ENTREP2: variants seen among roughly 807,000 people sequenced by gnomAD.
ENTREP2 encodes protein ENTREP2.
chr15:29,337,018 T>C, the ENTREP2 span, among the ~76,000 whole-genome samples: 2 of 152,246 alleles, frequency 1.3e-5, no homozygotes, highest in Non-Finnish European at 2.9e-5. Context: ...GCCAGAATTC[T>C]AGGTCTCAGG....
At chr15:29,423,631 C>A in the ENTREP2 span, among the ~76,000 whole-genome samples, 17 of 139,388 alleles carry the variant, frequency 1.2e-4, no homozygotes, top group Non-Finnish European at 1.4e-4. Context: ...ACTAAAAATA[C>A]AAAAAAAAAA....
the ENTREP2 span, among the ~76,000 whole-genome samples, chr15:29,492,997 C>G: frequency 6.6e-6 from 1 of 150,452 alleles, no homozygotes; most frequent in East Asian, 2.0e-4. Flanking sequence ...GAGTGAGACT[C>G]CGTCTCCAAA....
chr15:29,530,013 G>A, the ENTREP2 span, among the ~76,000 whole-genome samples: 2 of 152,088 alleles, frequency 1.3e-5, no homozygotes, highest in East Asian at 1.9e-4. Context: ...CAGACCTCAG[G>A]CCCCACCTAA....
At chr15:29,673,848 G>A in the ENTREP2 span, among the ~76,000 whole-genome samples, 3 of 152,182 alleles carry the variant, frequency 2.0e-5, no homozygotes, top group Non-Finnish European at 2.9e-5. Flanking sequence ...AGTTAGGTGA[G>A]ATCTCTTTCA....
chr15:29,634,364 T>C, the ENTREP2 span, among the ~76,000 whole-genome samples: 1 of 152,074 alleles, frequency 6.6e-6, no homozygotes, highest in African/African-American at 2.4e-5. Context: ...AGCTTGGATA[T>C]AGCCCTGCAA....
At chr15:29,269,983 CAGAG>C in the ENTREP2 span, among the ~76,000 whole-genome samples, 1 of 152,186 alleles carries the variant, frequency 6.6e-6, no homozygotes, top group African/African-American at 2.4e-5. Flanking sequence ...ACCATGCAAA[CAGAG>C]AGCGAGAACC....
At chr15:29,192,008 A>G in the ENTREP2 span, among the ~76,000 whole-genome samples, 9 of 152,198 alleles carry the variant, frequency 5.9e-5, no homozygotes, top group Non-Finnish European at 1.5e-5. Context: ...TGGCACTGCC[A>G]TCACCTCTAC....
chr15:29,225,681 G>A, the ENTREP2 span, among the ~76,000 whole-genome samples: 2 of 152,178 alleles, frequency 1.3e-5, no homozygotes, highest in Non-Finnish European at 1.5e-5. Context: ...TATCACGGTC[G>A]AGCATGCGGT....
the ENTREP2 span, among the ~76,000 whole-genome samples, chr15:29,250,701 C>T: frequency 6.6e-6 from 1 of 152,124 alleles, no homozygotes; most frequent in Non-Finnish European, 1.5e-5. Context: ...TGGCCAGTTC[C>T]TTGTAGGTCA....
At chr15:29,395,892 GT>G in the ENTREP2 span, among the ~76,000 whole-genome samples, 1 of 152,062 alleles carries the variant, frequency 6.6e-6, no homozygotes, top group African/African-American at 2.4e-5. Context: ...ATGTTTTCAT[GT>G]GCTTATTAGC....
At chr15:29,649,581 C>T in the ENTREP2 span, among the ~76,000 whole-genome samples, 78 of 151,786 alleles carry the variant, frequency 5.1e-4, no homozygotes, top group African/African-American at 1.7e-3. Context: ...ACTAGCCAGG[C>T]GTGGTGATGT....
the ENTREP2 span, among the ~76,000 whole-genome samples, chr15:29,522,804 C>A: frequency 1.5e-4 from 23 of 152,120 alleles, no homozygotes; most frequent in Middle Eastern, 3.2e-3. Flanking sequence ...TGACTCAGAC[C>A]TTGCTCAGTG....
the ENTREP2 span, among the ~76,000 whole-genome samples, chr15:29,410,618 C>T: frequency 2.6e-5 from 4 of 152,160 alleles, no homozygotes; most frequent in African/African-American, 4.8e-5. Context: ...CTGTGCTCTG[C>T]GCAAACAAGA....
At chr15:29,490,721 C>CA in the ENTREP2 span, among the ~76,000 whole-genome samples, 1 of 152,206 alleles carries the variant, frequency 6.6e-6, no homozygotes, top group African/African-American at 2.4e-5. Context: ...GAGCTAGACA[C>CA]AGAGTGCTGA....
chr15:29,661,973 G>C, the ENTREP2 span, among the ~76,000 whole-genome samples: 2 of 152,108 alleles, frequency 1.3e-5, no homozygotes, highest in African/African-American at 4.8e-5. Context: ...CACTTTGGGA[G>C]GCCGAGGCAG....
the ENTREP2 span, among the ~76,000 whole-genome samples, chr15:29,422,447 A>G: frequency 7.9e-5 from 12 of 152,274 alleles, no homozygotes; most frequent in Admixed American, 7.8e-4. Context: ...GAGCAGAAAG[A>G]AAGGTTAAAT....
the ENTREP2 span, among the ~76,000 whole-genome samples, chr15:29,577,849 C>T: frequency 6.6e-6 from 1 of 152,136 alleles, no homozygotes; most frequent in Non-Finnish European, 1.5e-5. Context: ...AAATATTGTT[C>T]AGATCCACCT....
the ENTREP2 span, among the ~76,000 whole-genome samples, chr15:29,163,441 C>T: frequency 9.2e-3 from 1,392 of 151,402 alleles, 20 homozygotes; most frequent in African/African-American, 0.031. Flanking sequence ...GGAGAAATAG[C>T]CAAGAAAATA....
the ENTREP2 span, among the ~76,000 whole-genome samples, chr15:29,478,320 T>A: frequency 6.6e-6 from 1 of 151,902 alleles, no homozygotes; most frequent in African/African-American, 2.4e-5. Flanking sequence ...AGCCACCGCG[T>A]CCAGCCTAAC....
Sources: gnomAD v4.1 joint callset for allele counts (sites outside exome capture counted in the v4.1 genomes callset) on GRCh38, gnomAD v4.1.1 for gene constraint, MANE v1.5 for transcripts, NCBI Gene and HGNC (gene_info 2026-07-23, HGNC 2026-07-21) for gene names.